The following CRYBB2 variants were observed in gnomAD, a reference collection of about 807,000 sequenced individuals.
CRYBB2 encodes the protein beta-crystallin B2.
CRYBB2 carries 12 observed loss-of-function variants against 24.3 expected under a neutral mutation model. That is an observed-to-expected ratio of 0.49 (90% CI 0.32 to 0.80). The LOEUF (loss-of-function observed/expected upper bound fraction) is 0.80, where lower values mean the gene tolerates loss of function less well. CRYBB2 is among the 30% of genes least tolerant of loss of function. CRYBB2 has a pLI of 0.04. For missense variants in CRYBB2, 198 were observed against 268.5 expected (o/e 0.74, Z 1.83); for synonymous variants, 98 against 101.6 (o/e 0.96, Z 0.21).
At chr22:25,212,240 T>C (rs748462160), upstream of CRYBB2, among the ~76,000 whole-genome samples, 5 of 152,236 alleles carry the variant, frequency 3.3e-5, no homozygotes, top group Non-Finnish European at 7.3e-5. Flanking sequence ...AGAGAGACTT[T>C]GCAGTTCCTC....
upstream of CRYBB2, among the ~76,000 whole-genome samples, chr22:25,218,847 A>AGAAAGAAAGAGAAAGAAAGG (rs1555888347): frequency 0.094 from 10,545 of 112,086 alleles, 1,289 homozygotes; most frequent in African/African-American, 0.13. Flanking sequence ...AGAGAAAGAA[A>AGAAAGAAAGAGAAAGAAAGG]GAAAGAAAGA....
rs372420128 is a variant in CRYBB2 at position 25,229,529 on chromosome 22, G to A, written c.400G>A (p.Ala134Thr). The change falls in exon 5 of 6, where the codon GCC becomes ACC. Residue 134 changes from alanine to threonine, a missense_variant. Physicochemically the swap from Ala to Thr is moderately conservative, Grantham distance 58. Transcript: ENST00000398215. ...IIDDDVPSFHAHGYQEKVSSV... is the reference protein window; with the variant it reads ...IIDDDVPSFHTHGYQEKVSSV... ...AGATGACGATGTACCCAGCTTCCAC[G>A]CCCATGGCTACCAGGAGAAGGTGTC... 15 of 1,614,110 alleles carry A rather than the reference G, an allele frequency of 9.3e-6. No individual in the cohort carries two copies. The highest frequency in any genetic ancestry group is 1.3e-5 in the African/African-American group (1 of 74,940).
intron 3 of CRYBB2, among the ~76,000 whole-genome samples, chr22:25,227,080 C>T (rs116184122): frequency 0.014 from 2,198 of 152,300 alleles, 59 homozygotes; most frequent in African/African-American, 0.05. Flanking sequence ...TTGTTAATGA[C>T]TTAGATCATT....
intron 4 of CRYBB2, among the ~76,000 whole-genome samples, chr22:25,228,550 C>T (rs1465549554): frequency 6.6e-6 from 1 of 151,996 alleles, no homozygotes; most frequent in Non-Finnish European, 1.5e-5. Context: ...GGGGACAGGG[C>T]CCATCACTGC....
chr22:25,219,485 G>C (rs1443543690), upstream of CRYBB2: 3 of 152,302 alleles, frequency 2.0e-5, no homozygotes, highest in East Asian at 5.8e-4. Context: ...ATTGTGCAGA[G>C]ACACAATGTC....
upstream of CRYBB2, among the ~76,000 whole-genome samples, chr22:25,214,895 T>G (rs1192985475): frequency 1.3e-5 from 2 of 152,244 alleles, no homozygotes; most frequent in African/African-American, 4.8e-5. Flanking sequence ...AGCCTCACTT[T>G]GCTTATCTGT....
upstream of CRYBB2, among the ~76,000 whole-genome samples, chr22:25,217,613 G>A (rs1331484836): frequency 2.0e-5 from 3 of 152,038 alleles, no homozygotes; most frequent in Admixed American, 1.3e-4. Flanking sequence ...CGCTGTGCCC[G>A]GCCAGCCCTG....
chr22:25,226,730 A>G (rs892525504), intron 3 of CRYBB2, among the ~76,000 whole-genome samples: 4 of 152,128 alleles, frequency 2.6e-5, no homozygotes, highest in Non-Finnish European at 5.9e-5. Flanking sequence ...CTGGAGTTCA[A>G]TGGTGCGATC....
intron 2 of CRYBB2, among the ~76,000 whole-genome samples, chr22:25,222,775 G>A (rs1219269959): frequency 6.6e-6 from 1 of 152,012 alleles, no homozygotes; most frequent in Admixed American, 6.6e-5. Context: ...AAAGAAATAG[G>A]TGAAATTAAT....
chr22:25,217,938 G>A (rs1935198267), upstream of CRYBB2, among the ~76,000 whole-genome samples: 1 of 152,126 alleles, frequency 6.6e-6, no homozygotes, highest in Non-Finnish European at 1.5e-5. Flanking sequence ...CACAGCCTGG[G>A]CTGCAAGGAA....
At chr22:25,224,085 C>T (rs1935370651) in intron 2 of CRYBB2, among the ~76,000 whole-genome samples, 1 of 149,080 alleles carries the variant, frequency 6.7e-6, no homozygotes, top group Non-Finnish European at 1.5e-5. Flanking sequence ...GATCGCGCCA[C>T]TGCACTCCAG....
upstream of CRYBB2, among the ~76,000 whole-genome samples, chr22:25,218,508 A>G (rs1935218502): frequency 6.6e-6 from 1 of 150,738 alleles, no homozygotes; most frequent in African/African-American, 2.4e-5. Context: ...ATACAGCAAA[A>G]AAAAGAATTT....
At chr22:25,228,497 A>G (rs1935462734) in intron 4 of CRYBB2, among the ~76,000 whole-genome samples, 1 of 151,468 alleles carries the variant, frequency 6.6e-6, no homozygotes, top group Admixed American at 6.6e-5. Flanking sequence ...TGCTTCTGAG[A>G]TCCTGATTCT....
chr22:25,222,082 G>A (rs964019881), intron 2 of CRYBB2, among the ~76,000 whole-genome samples: 1 of 152,206 alleles, frequency 6.6e-6, no homozygotes. Flanking sequence ...TCAGAGGCTT[G>A]TCACACCCAG....
chr22:25,213,125 C>T (rs1935126672), intron 1 of CRYBB2, among the ~76,000 whole-genome samples: 1 of 152,198 alleles, frequency 6.6e-6, no homozygotes, highest in Admixed American at 6.5e-5. Flanking sequence ...TGAAAGCATG[C>T]ACGTAGATGG....
At chr22:25,225,325 G>A (rs552435378) in intron 3 of CRYBB2, among the ~76,000 whole-genome samples, 38 of 152,278 alleles carry the variant, frequency 2.5e-4, no homozygotes, top group African/African-American at 8.9e-4. Flanking sequence ...AAGGGAGAGG[G>A]TCATGTGGAA....
At chr22:25,225,159 C>A in intron 3 of CRYBB2, 123 bp downstream of exon 3, 1 of 749,678 alleles carries the variant, frequency 1.3e-6, no homozygotes, top group Non-Finnish European at 2.5e-6. Context: ...GGTCTGGCAG[C>A]CTATGGAGAT....
At chr22:25,216,245 A>C (rs941318544), upstream of CRYBB2, among the ~76,000 whole-genome samples, 1 of 152,198 alleles carries the variant, frequency 6.6e-6, no homozygotes, top group Non-Finnish European at 1.5e-5. Flanking sequence ...TCAGAATGTG[A>C]CCTTCTATTT....
rs1569022211 is a variant in CRYBB2 at position 25,230,683 on chromosome 22, C to CAT, written c.450-921_450-920insAT. On this transcript the variant is annotated intron_variant, in intron 5 of 5. Coordinates refer to ENST00000398215, the MANE Select transcript of CRYBB2 (RefSeq NM_000496.3). ...CTGTGCTCCTATTCCCCTTCATTCC[C>CAT]TCATTCATTCATTCATTCATTCAAT... 3.0e-4 allele frequency among the ~76,000 whole-genome samples: 42 copies of CAT among 140,804 alleles called. No individual in the cohort carries two copies. The South Asian group carries it at 6.7e-3, about 23-fold the overall frequency. 92.4% of individuals were successfully genotyped at this position (140,804 alleles called of 152,430 possible). A position where few individuals can be genotyped will look rare whatever the true frequency, so the allele number is the denominator to read the frequency against.
Sources: gnomAD v4.1 joint callset for allele counts (sites outside exome capture counted in the v4.1 genomes callset) on GRCh38, gnomAD v4.1.1 for gene constraint, MANE v1.5 for transcripts, NCBI Gene and HGNC (gene_info 2026-07-23, HGNC 2026-07-21) for gene names.